Variants in TIMP2 observed in about 807,000 individuals in gnomAD.
The protein encoded by TIMP2 is TIMP metallopeptidase inhibitor 2.
In TIMP2, 5 loss-of-function variants were observed where a neutral mutation model predicts 24.3. That is an observed-to-expected ratio of 0.21 (90% CI 0.11 to 0.43). The LOEUF is 0.43. TIMP2 is among the 20% of genes least tolerant of loss of function. The pLI is 1.00. For synonymous variants in TIMP2, 130 were observed against 123.2 expected (o/e 1.06, Z -0.37); for missense variants, 221 against 297.5 (o/e 0.74, Z 1.89).
intron 1 of TIMP2, among the ~76,000 whole-genome samples, chr17:78,907,255 G>A (rs746051930): frequency 5.3e-4 from 80 of 150,600 alleles, no homozygotes; most frequent in African/African-American, 1.3e-3. Flanking sequence ...GGCTGGTCTC[G>A]AACTCCTGGC....
intron 3 of TIMP2, among the ~76,000 whole-genome samples, chr17:78,859,616 T>C (rs1267121104): frequency 1.3e-5 from 2 of 151,296 alleles, no homozygotes; most frequent in Non-Finnish European, 2.9e-5. Context: ...TGAGCCGAGA[T>C]TGCAAACTGC....
chr17:78,876,206 C>T (rs1256773967), intron 1 of TIMP2, among the ~76,000 whole-genome samples: 5 of 152,084 alleles, frequency 3.3e-5, no homozygotes, highest in Non-Finnish European at 7.4e-5. Flanking sequence ...AAAATATGAG[C>T]GCCTTTGCAA....
chr17:78,906,094 G>A (rs1268519941), intron 1 of TIMP2, among the ~76,000 whole-genome samples: 4 of 152,156 alleles, frequency 2.6e-5, no homozygotes, highest in Non-Finnish European at 4.4e-5. Flanking sequence ...TTTATTGGCC[G>A]GGGCAGTGGC....
At chr17:78,860,546 T>C (rs1272144137) in intron 3 of TIMP2, among the ~76,000 whole-genome samples, 1 of 152,192 alleles carries the variant, frequency 6.6e-6, no homozygotes, top group Non-Finnish European at 1.5e-5. Flanking sequence ...GGGGCACTCA[T>C]TGTGCCAGCT....
chr17:78,901,907 A>T, intron 1 of TIMP2: 1 of 629,544 alleles, frequency 1.6e-6, no homozygotes, highest in South Asian at 1.8e-5. Flanking sequence ...CTGACTTTGT[A>T]GGTAGTGAGA....
rs2069505507 is a variant in TIMP2, at chr17:78,854,105, T to C, written c.*1562A>G. On this transcript the variant is annotated 3_prime_UTR_variant, in exon 5 of 5. Coordinates refer to ENST00000262768, the MANE Select transcript of TIMP2 (RefSeq NM_003255.5). The stretch of plus-strand genomic sequence containing the variant: ...GGGGGTCAGGAGTCTTAACAGGTGC[T>C]TTGGGGTTGCCGCTGAATAGAACAG... 1 of 152,206 alleles carries C rather than the reference T, an allele frequency of 6.6e-6. No homozygotes were observed. The highest frequency in any genetic ancestry group is 2.1e-4 in the South Asian group (1 of 4,830). The allele number at this position is 152,206 out of a possible 1,614,324, so 9.4% of individuals were successfully genotyped here. A position where few individuals can be genotyped will look rare whatever the true frequency, so the allele number is the denominator to read the frequency against.
chr17:78,904,340 T>C (rs2070137789), intron 1 of TIMP2: 1 of 152,102 alleles, frequency 6.6e-6, no homozygotes, highest in African/African-American at 2.4e-5. Flanking sequence ...TGGGAAATCA[T>C]GATTTGGGTC....
rs1236794975 is a variant in TIMP2, at chr17:78,891,663, G to T, written c.131-17744C>A. On this transcript the variant is annotated intron_variant, in intron 1 of 4. Coordinates refer to ENST00000262768, the MANE Select transcript of TIMP2 (RefSeq NM_003255.5). The surrounding 1 kb of genome is among the most constrained non-coding windows in gnomAD (Gnocchi z 4.5). Reference sequence around the variant, plus strand: ...ACAAAGCAAACTGCCCCCTTTCCCAGTTGCCTCCTCCCCGCCCGAGCTGTT... The same window carrying T: ...ACAAAGCAAACTGCCCCCTTTCCCATTTGCCTCCTCCCCGCCCGAGCTGTT... The T allele has an allele frequency of 2.6e-6, 4 of 1,551,030 alleles. No homozygotes were observed. In the South Asian group the frequency reaches 3.6e-5, roughly 14 times the overall value.
chr17:78,857,420 C>T lies in TIMP2; in HGVS notation c.465+102G>A, dbSNP rs145244262. 5.9e-5 allele frequency: 88 copies of T among 1,496,012 alleles called. No homozygotes were observed. In the African/African-American group the frequency reaches 7.3e-4, roughly 12 times the overall value. 92.7% of individuals were successfully genotyped at this position (1,496,012 alleles called of 1,614,324 possible). A position where few individuals can be genotyped will look rare whatever the true frequency, so the allele number is the denominator to read the frequency against. Reference sequence around the variant, plus strand: ...CAGAGCCTGGTCTTAGATCAGGAGCCGGGGATTAACGGGTCCTGGAAAGCC... The same window carrying T: ...CAGAGCCTGGTCTTAGATCAGGAGCTGGGGATTAACGGGTCCTGGAAAGCC... On this transcript the variant is annotated intron_variant, in intron 4 of 4. Transcript: ENST00000262768.
intron 3 of TIMP2, 41 bp from the exon 4 acceptor site, chr17:78,857,687 A>T (rs778033199): frequency 6.2e-6 from 10 of 1,612,452 alleles, no homozygotes; most frequent in Non-Finnish European, 6.8e-6. Flanking sequence ...GGAGAGGGAA[A>T]AGTCCTCCTC....
At chr17:78,876,256 C>G (rs11868465) in intron 1 of TIMP2, among the ~76,000 whole-genome samples, 25,497 of 152,124 alleles carry the variant, frequency 0.17, 2,274 homozygotes, top group East Asian at 0.28. Context: ...GTGCCCAACA[C>G]CCCCCACCCA....
At chr17:78,903,767 G>A (rs2070129734) in intron 1 of TIMP2, among the ~76,000 whole-genome samples, 2 of 152,084 alleles carry the variant, frequency 1.3e-5, no homozygotes, top group African/African-American at 2.4e-5. Context: ...CTGGCAGGGC[G>A]AGGCTGGGGA....
rs914254093 is a variant in TIMP2, at chr17:78,925,108, C to A, written c.-20G>T. Reference sequence around the variant, plus strand: ...GCCCATGGCGGGCCGGGGGGCTGGGCGGGCGGGGGCCGCCGCTGGGGGGTC... The same window carrying A: ...GCCCATGGCGGGCCGGGGGGCTGGGAGGGCGGGGGCCGCCGCTGGGGGGTC... On this transcript the variant is annotated 5_prime_UTR_variant, in exon 1 of 5. Transcript: ENST00000262768. 1 of 21,734 alleles carries A rather than the reference C, an allele frequency of 4.6e-5. No individual in the cohort carries two copies. The highest frequency in any genetic ancestry group is 9.0e-5 in the Non-Finnish European group (1 of 11,140). The allele number at this position is 21,734 out of a possible 1,614,324, so 1.3% of individuals were successfully genotyped here. A position where few individuals can be genotyped will look rare whatever the true frequency, so the allele number is the denominator to read the frequency against.
intron 1 of TIMP2, among the ~76,000 whole-genome samples, chr17:78,874,764 G>A (rs918231251): frequency 6.7e-6 from 1 of 150,034 alleles, no homozygotes; most frequent in African/African-American, 2.5e-5. Flanking sequence ...TTTTTCAGAC[G>A]GAGTCTCACT....
chr17:78,891,771 T>G lies in TIMP2; in HGVS notation c.131-17852A>C, dbSNP rs1365802641. ...GACCTTTCTAGGTCCGCCCCTTTGC[T>G]CCTCCGAGGATGGATGGCACAGCGG... On this transcript the variant is annotated intron_variant, in intron 1 of 4. Coordinates refer to ENST00000262768, the MANE Select transcript of TIMP2 (RefSeq NM_003255.5). This position sits in a 1 kb window ranked among gnomAD's most constrained non-coding sequence, Gnocchi z 4.5. The G allele has an allele frequency of 6.4e-7, 1 of 1,551,042 alleles. No homozygotes were observed. Among genetic ancestry groups the G allele is most frequent in the African/African-American group, 1.4e-5 (1 of 73,034 alleles).
At chr17:78,914,465 T>G (rs1477752174) in intron 1 of TIMP2, among the ~76,000 whole-genome samples, 1 of 151,754 alleles carries the variant, frequency 6.6e-6, no homozygotes, top group East Asian at 1.9e-4. Flanking sequence ...GTATTTTTAG[T>G]AGAGATGGGG....
intron 1 of TIMP2, among the ~76,000 whole-genome samples, chr17:78,895,782 C>G (rs766402701): frequency 6.6e-6 from 1 of 152,076 alleles, no homozygotes; most frequent in Non-Finnish European, 1.5e-5. Context: ...GTGGTGAGGT[C>G]GGGGCTGCTG....
At chr17:78,908,001 G>C (rs1199388303) in intron 1 of TIMP2, among the ~76,000 whole-genome samples, 2 of 152,158 alleles carry the variant, frequency 1.3e-5, no homozygotes. Context: ...TGGGCATAGT[G>C]GTGTGTGTCT....
chr17:78,859,734 G>A (rs1223484917), intron 3 of TIMP2, among the ~76,000 whole-genome samples: 2 of 152,118 alleles, frequency 1.3e-5, no homozygotes, highest in East Asian at 3.8e-4. Context: ...GCTCATGGCT[G>A]TAATCCCAGT....
Sources: gnomAD v4.1 joint callset for allele counts (sites outside exome capture counted in the v4.1 genomes callset) on GRCh38, gnomAD v4.1.1 for gene constraint, Gnocchi (gnomAD v3.1) non-coding constraint, MANE v1.5 for transcripts, NCBI Gene and HGNC (gene_info 2026-07-23, HGNC 2026-07-21) for gene names.